The following NBEAL1 variants were observed in gnomAD, a reference collection of about 807,000 sequenced individuals.
The protein encoded by NBEAL1 is neurobeachin-like protein 1.
In NBEAL1, 273 loss-of-function variants were observed where a neutral mutation model predicts 351.3. The observed-to-expected ratio is 0.78, with a 90% CI of 0.70 to 0.86. The LOEUF is 0.86. Among genes scored for constraint, NBEAL1 ranks in the 40% least tolerant of loss-of-function variants. The pLI is 0.00. For missense variants in NBEAL1, 2,961 were observed against 3,201.3 expected (o/e 0.92, Z 1.81); for synonymous variants, 1,050 against 1,086.4 (o/e 0.97, Z 0.66).
At position 203,107,503 on chromosome 2, in the gene NBEAL1, A is replaced by G; in HGVS notation, c.1353A>G (p.Lys451=). 1 of 1,550,352 alleles carries G rather than the reference A, an allele frequency of 6.5e-7. No individual in the cohort carries two copies. The highest frequency in any genetic ancestry group is 8.7e-7 in the Non-Finnish European group (1 of 1,145,596). The change falls in exon 13 of 56, where the codon AAA becomes AAG. Residue 451 remains lysine (K), a synonymous_variant. Transcript: ENST00000683969. ...GTCAGCCACCACTGGAATTACTTAA[A>G]GAACTTATGAATATGGTGAGTTTAT... ...SLGQPPLELL[K]ELMNMAVEGD...
In NBEAL1 at chr2:203,183,269, CAT is replaced by C. The variant is rs2064786581; in HGVS notation, c.6596-9_6596-8del. On this transcript the variant is annotated splice_region_variant and splice_polypyrimidine_tract_variant and intron_variant, in intron 43 of 55. Transcript: ENST00000683969. ...AATGATTTGATACATTTTCTTTTTACATGTCTTAGAATTTAACTTGGGTCGTC... is the reference window on the plus strand; with the variant it reads ...AATGATTTGATACATTTTCTTTTTACGTCTTAGAATTTAACTTGGGTCGTC... 2 of 1,433,700 alleles carry C rather than the reference CAT, an allele frequency of 1.4e-6. No homozygotes were observed. Among genetic ancestry groups the C allele is most frequent in the South Asian group, 2.5e-5 (2 of 79,716 alleles). The allele number at this position is 1,433,700 out of a possible 1,614,324, so 88.8% of individuals were successfully genotyped here.
At chr2:203,096,398 T>C (rs775282171) in intron 10 of NBEAL1, among the ~76,000 whole-genome samples, 24 of 152,226 alleles carry the variant, frequency 1.6e-4, no homozygotes, top group Non-Finnish European at 2.4e-4. Context: ...TGTTTTCTCA[T>C]TTCTGAAATA....
chr2:203,187,937 A>C (rs1043287656), intron 44 of NBEAL1, among the ~76,000 whole-genome samples: 5 of 152,040 alleles, frequency 3.3e-5, no homozygotes, highest in Non-Finnish European at 7.4e-5. Context: ...CTCTAATAAC[A>C]ATTTCCTCAC....
intron 3 of NBEAL1, 131 bp from the exon 4 acceptor site, chr2:203,049,683 A>G: frequency 1.5e-6 from 1 of 688,810 alleles, no homozygotes; most frequent in Non-Finnish European, 2.3e-6. Context: ...GCAGACGAGA[A>G]GGCACAGAGT....
At chr2:203,111,865 T>A (rs2062580506) in intron 15 of NBEAL1, 114 bp from the exon 16 acceptor site, 1 of 1,208,170 alleles carries the variant, frequency 8.3e-7, no homozygotes. Flanking sequence ...ACATTTACGT[T>A]TAATCTTAAC....
intron 2 of NBEAL1, among the ~76,000 whole-genome samples, chr2:203,020,632 T>C (rs1014564007): frequency 2.4e-4 from 37 of 151,038 alleles, no homozygotes; most frequent in Admixed American, 4.6e-4. Flanking sequence ...GATTACGCCA[T>C]TGCCTTCCAG....
rs375270007 is a variant in NBEAL1, at chr2:203,103,570, C to T, written c.1270-3850C>T. Among the ~76,000 whole-genome samples, 7 of 152,248 alleles carry T rather than the reference C, an allele frequency of 4.6e-5. 1 individual carries two copies. In the South Asian group the frequency reaches 1.5e-3, roughly 32 times the overall value. ...CACAGATGTGAGCCATTGTGCCCGG[C>T]CTATCTTTCGTATGGTTTTTGATGT... is the stretch of plus-strand genomic sequence containing the variant. On this transcript the variant is annotated intron_variant, in intron 12 of 55. Transcript: ENST00000683969.
intron 38 of NBEAL1, 122 bp downstream of exon 38, chr2:203,167,482 A>G (rs968091309): frequency 2.9e-6 from 3 of 1,034,574 alleles, no homozygotes; most frequent in Non-Finnish European, 4.1e-6. Context: ...AGGAAAAAAT[A>G]CATACTTTGG....
rs369459103 is a variant in NBEAL1 at position 203,209,934 on chromosome 2, A to G, written c.7785+612A>G. On this transcript the variant is annotated intron_variant, in intron 53 of 55. Coordinates refer to ENST00000683969, the MANE Select transcript of NBEAL1 (RefSeq NM_001378026.1). ...TGGCTAGTTTTTTTTAATTTTTGTT[A>G]GAGACGAGGTCTCCCTACGTTGCCT... Among the ~76,000 whole-genome samples, 72 of 152,040 alleles carry G rather than the reference A, an allele frequency of 4.7e-4. 1 individual carries two copies. The East Asian group carries it at 5.2e-3, about 11-fold the overall frequency.
rs749191594 is a variant in NBEAL1, at chr2:203,144,896, T to A, written c.5145T>A (p.Ile1715=). The change falls in exon 32 of 56, where the codon ATT becomes ATA. Residue 1715 remains isoleucine (I), a synonymous_variant. Coordinates refer to ENST00000683969, the MANE Select transcript of NBEAL1 (RefSeq NM_001378026.1). ...YCNSNEWQVY[I]EKYIVPYMKQ... is the part of the protein sequence containing the mutation. ...ATTCAAATGAATGGCAAGTTTACAT[T>A]GAAAAATATGTAAGTTTTATCTTTT... The A allele has an allele frequency of 6.3e-7, 1 of 1,582,590 alleles. No homozygotes were observed. The highest frequency in any genetic ancestry group is 1.2e-5 in the South Asian group (1 of 84,822).
rs16824622 is a variant in NBEAL1, at chr2:203,148,182, A to G, written c.5305-809A>G. Among the ~76,000 whole-genome samples, 850 of 152,176 alleles carry G rather than the reference A, an allele frequency of 5.6e-3. 11 individuals are homozygous for G. The highest frequency in any genetic ancestry group is 0.019 in the African/African-American group (776 of 41,574). ...GAGAACTTGCTATTTTTCTAGCACT[A>G]TATTAAGTACTTTAAATGTTCATCT... On this transcript the variant is annotated intron_variant, in intron 33 of 55. Coordinates refer to ENST00000683969, the MANE Select transcript of NBEAL1 (RefSeq NM_001378026.1).
At chr2:203,056,364 T>G (rs2061401388) in intron 4 of NBEAL1, 63 bp from the exon 5 acceptor site, 1 of 865,486 alleles carries the variant, frequency 1.2e-6, no homozygotes, top group Admixed American at 2.1e-5. Flanking sequence ...TCAAGCTGAA[T>G]TCATGAACAT....
At chr2:203,112,728 AAG>A in intron 16 of NBEAL1, among the ~76,000 whole-genome samples, 1 of 152,354 alleles carries the variant, frequency 6.6e-6, no homozygotes, top group East Asian at 1.9e-4. Flanking sequence ...GAAGTTAAAA[AAG>A]TTCATAATCA....
In NBEAL1 at chr2:203,056,439, T is replaced by C; in HGVS notation, c.318T>C (p.Asn106=). 2 of 1,540,360 alleles carry C rather than the reference T, an allele frequency of 1.3e-6. No individual in the cohort carries two copies. The highest frequency in any genetic ancestry group is 1.2e-5 in the South Asian group (1 of 83,936). The part of the protein sequence containing the change: ...FFIILCRNLS[N]VEEIGTCSYI... ...CTTTTTCTCACAGAAATCTATCAAA[T>C]GTGGAAGAAATTGGGACTTGCTCGT... The change falls in exon 5 of 56, where the codon AAT becomes AAC. Residue 106 remains asparagine, a synonymous_variant. Transcript: ENST00000683969.
chr2:203,054,053 T>C (rs1329785517), intron 4 of NBEAL1, among the ~76,000 whole-genome samples: 1 of 151,756 alleles, frequency 6.6e-6, no homozygotes, highest in African/African-American at 2.4e-5. Flanking sequence ...CTGGCTCAAG[T>C]GATCCTCCCA....
intron 46 of NBEAL1, chr2:203,190,736 G>A (rs940400752): frequency 1.6e-5 from 26 of 1,601,548 alleles, no homozygotes; most frequent in African/African-American, 9.4e-5. Context: ...AACTTTCTTC[G>A]GTCGTCCCGA....
chr2:203,095,840 C>T (rs1047506066), intron 10 of NBEAL1, among the ~76,000 whole-genome samples: 1 of 151,280 alleles, frequency 6.6e-6, no homozygotes, highest in African/African-American at 2.4e-5. Context: ...TGGCTCTATC[C>T]CTGCTCACTG....
At chr2:203,189,067 G>A (rs1484578251) in intron 45 of NBEAL1, among the ~76,000 whole-genome samples, 1 of 152,176 alleles carries the variant, frequency 6.6e-6, no homozygotes, top group African/African-American at 2.4e-5. Flanking sequence ...AGTTATGAGA[G>A]ACTTTTAGTA....
intron 12 of NBEAL1, among the ~76,000 whole-genome samples, chr2:203,105,419 C>T (rs1339653439): frequency 2.6e-5 from 4 of 151,498 alleles, no homozygotes; most frequent in African/African-American, 9.7e-5. Context: ...GAGCTGAGAT[C>T]GCGCCACTGC....
Sources: allele counts gnomAD v4.1 joint callset (sites outside exome capture counted in the v4.1 genomes callset), GRCh38; gene constraint gnomAD v4.1.1; transcripts MANE v1.5; gene names NCBI Gene and HGNC (gene_info 2026-07-23, HGNC 2026-07-21).